PRKAR2B: variants seen among roughly 807,000 people sequenced by gnomAD.
The protein encoded by PRKAR2B is protein kinase cAMP-dependent type II regulatory subunit beta.
A neutral mutation model predicts 49.9 loss-of-function variants in PRKAR2B; 14 were observed. The ratio of observed to expected loss-of-function variants is 0.28; its 90% confidence interval spans 0.19 to 0.44. The LOEUF (loss-of-function observed/expected upper bound fraction) is 0.44. PRKAR2B is among the 20% of genes least tolerant of loss of function. PRKAR2B has a pLI of 1.00. For synonymous variants in PRKAR2B, 196 were observed against 197.7 expected (o/e 0.99, Z 0.07); for missense variants, 393 against 537.9 (o/e 0.73, Z 2.67).
intron 1 of PRKAR2B, among the ~76,000 whole-genome samples, chr7:107,052,250 C>A (rs890714914): frequency 3.3e-5 from 5 of 152,118 alleles, no homozygotes; most frequent in African/African-American, 7.2e-5. Context: ...GAAACCCCAT[C>A]TCTACTAAAA....
At chr7:107,114,172 T>TTAACTC in intron 2 of PRKAR2B, among the ~76,000 whole-genome samples, 1 of 152,336 alleles carries the variant, frequency 6.6e-6, no homozygotes, top group East Asian at 1.9e-4. Context: ...ACTTAAGTTT[T>TTAACTC]TAACTCTTTG....
At chr7:107,080,871 G>T (rs1254934811) in intron 2 of PRKAR2B, among the ~76,000 whole-genome samples, 1 of 152,194 alleles carries the variant, frequency 6.6e-6, no homozygotes, top group Non-Finnish European at 1.5e-5. Context: ...AGGGCAGGCA[G>T]ATACAGTTTA....
At position 107,150,996 on chromosome 7, in the gene PRKAR2B, G is replaced by A; in HGVS notation, c.816G>A (p.Glu272=). The A allele has an allele frequency of 6.3e-7, 1 of 1,588,464 alleles. No homozygotes were observed. The highest frequency in any genetic ancestry group is 8.6e-7 in the Non-Finnish European group (1 of 1,167,044). Residue 272 remains glutamate, a synonymous_variant, in exon 7 of 11, where the codon GAG becomes GAA. Coordinates refer to ENST00000265717, the MANE Select transcript of PRKAR2B (RefSeq NM_002736.3). ...KKRKMYESFI[E]SLPFLKSLEF... is the part of the protein sequence containing the mutation. ...GAAAAATGTATGAAAGCTTTATTGA[G>A]TCACTGCCATTCCTTAAATCTTTGG...
At chr7:107,079,850 T>C (rs1794483222) in intron 2 of PRKAR2B, among the ~76,000 whole-genome samples, 1 of 152,104 alleles carries the variant, frequency 6.6e-6, no homozygotes, top group Non-Finnish European at 1.5e-5. Context: ...AAATAGAATG[T>C]GAAGTAAAGA....
intron 1 of PRKAR2B, among the ~76,000 whole-genome samples, chr7:107,050,493 T>A (rs1210481426): frequency 6.6e-6 from 1 of 152,138 alleles, no homozygotes; most frequent in Non-Finnish European, 1.5e-5. Context: ...TGTTAACAGC[T>A]ATGTTGAAAA....
chr7:107,077,665 T>C (rs904711745), intron 2 of PRKAR2B: 1 of 152,176 alleles, frequency 6.6e-6, no homozygotes, highest in African/African-American at 2.4e-5. Flanking sequence ...ATTTCATCCT[T>C]TAATTTACCA....
intron 1 of PRKAR2B, among the ~76,000 whole-genome samples, chr7:107,054,955 C>T (rs902303482): frequency 6.6e-6 from 1 of 152,156 alleles, no homozygotes; most frequent in Non-Finnish European, 1.5e-5. Flanking sequence ...AATGCCATCC[C>T]TCCCCCATCC....
At chr7:107,127,188 T>G (rs1440245602) in intron 3 of PRKAR2B, among the ~76,000 whole-genome samples, 2 of 152,204 alleles carry the variant, frequency 1.3e-5, no homozygotes, top group African/African-American at 4.8e-5. Context: ...TTCTGTGAGC[T>G]CTGATGCTCT....
chr7:107,057,501 A>G (rs1793939044), intron 1 of PRKAR2B, among the ~76,000 whole-genome samples: 1 of 152,212 alleles, frequency 6.6e-6, no homozygotes, highest in African/African-American at 2.4e-5. Context: ...TTAGTTGCCA[A>G]AAATTTAAGA....
chr7:107,047,203 A>G (rs752212719), intron 1 of PRKAR2B, among the ~76,000 whole-genome samples: 4 of 152,218 alleles, frequency 2.6e-5, no homozygotes, highest in Non-Finnish European at 5.9e-5. Context: ...AGGCACATAC[A>G]TCTGTATAAC....
chr7:107,111,344 G>A (rs951569666), intron 2 of PRKAR2B, among the ~76,000 whole-genome samples: 1 of 152,180 alleles, frequency 6.6e-6, no homozygotes, highest in Non-Finnish European at 1.5e-5. Flanking sequence ...ACCATGAAGG[G>A]AAGGACACAA....
At chr7:107,107,748 C>T (rs577573427) in intron 2 of PRKAR2B, among the ~76,000 whole-genome samples, 2 of 152,084 alleles carry the variant, frequency 1.3e-5, no homozygotes, top group Admixed American at 6.5e-5. Context: ...GCCTCTGCCT[C>T]CTGGGTTCAA....
Position 107,045,047 on chromosome 7 carries a change from G to C in PRKAR2B, c.140G>C (p.Gly47Ala). Residue 47 changes from glycine (G) to alanine (A), a missense_variant, in exon 1 of 11, where the codon GGC becomes GCC. By Grantham distance (60) the Gly-to-Ala change is moderately conservative. Coordinates refer to ENST00000265717, the MANE Select transcript of PRKAR2B (RefSeq NM_002736.3). ...CTGCAGCAGGAGAACGAGCGCAAAG[G>C]CACCGCGCGCTTCGGCCATGAGGGC... The part of the protein sequence containing the change: ...TRLQQENERK[G>A]TARFGHEGRT... 1 of 1,546,620 alleles carries C rather than the reference G, an allele frequency of 6.5e-7. No individual in the cohort carries two copies. The highest frequency in any genetic ancestry group is 1.4e-5 in the African/African-American group (1 of 73,502).
At chr7:107,106,082 A>G (rs987748719) in intron 2 of PRKAR2B, among the ~76,000 whole-genome samples, 4 of 152,260 alleles carry the variant, frequency 2.6e-5, no homozygotes, top group African/African-American at 9.6e-5. Context: ...CCTTTCGGGG[A>G]ATCTGGGTCT....
In PRKAR2B at chr7:107,156,967, G is replaced by T. The variant is rs1333301244; in HGVS notation, c.919-17G>T. On this transcript the variant is annotated splice_polypyrimidine_tract_variant and intron_variant, in intron 8 of 10. Coordinates refer to ENST00000265717, the MANE Select transcript of PRKAR2B (RefSeq NM_002736.3). Reference sequence around the variant, plus strand: ...ATTTGCATTTTCACCGTCTGTTTTTGTTATTGATTCCAATAGGGAGATTCG... The same window carrying T: ...ATTTGCATTTTCACCGTCTGTTTTTTTTATTGATTCCAATAGGGAGATTCG... The T allele has an allele frequency of 6.3e-7, 1 of 1,593,684 alleles. No individual in the cohort carries two copies.
intron 2 of PRKAR2B, among the ~76,000 whole-genome samples, chr7:107,079,153 C>T (rs146081794): frequency 6.6e-5 from 10 of 152,308 alleles, no homozygotes; most frequent in Admixed American, 2.0e-4. Context: ...TCTTTAATTA[C>T]AAGCGGAGTT....
intron 2 of PRKAR2B, among the ~76,000 whole-genome samples, chr7:107,083,095 G>A (rs534857698): frequency 3.3e-5 from 5 of 151,754 alleles, no homozygotes; most frequent in African/African-American, 4.8e-5. Context: ...TTGTAATTCC[G>A]AGGCTGGGTA....
chr7:107,117,181 C>T (rs747711830), intron 2 of PRKAR2B, among the ~76,000 whole-genome samples: 2 of 151,472 alleles, frequency 1.3e-5, no homozygotes, highest in Non-Finnish European at 1.5e-5. Flanking sequence ...CCCCTAAGAA[C>T]GAGTTTTCTT....
At chr7:107,094,822 G>A (rs968474322) in intron 2 of PRKAR2B, among the ~76,000 whole-genome samples, 2 of 152,116 alleles carry the variant, frequency 1.3e-5, no homozygotes, top group Non-Finnish European at 2.9e-5. Flanking sequence ...GGTTGTAGAT[G>A]TGTGGTATTA....
Sources: gnomAD v4.1 joint callset for allele counts (sites outside exome capture counted in the v4.1 genomes callset) on GRCh38, gnomAD v4.1.1 for gene constraint, MANE v1.5 for transcripts, NCBI Gene and HGNC (gene_info 2026-07-23, HGNC 2026-07-21) for gene names.